WNT5B: variants seen among roughly 807,000 people sequenced by gnomAD.
The protein encoded by WNT5B is Wnt family member 5B, also known as protein Wnt-5b.
WNT5B carries 18 observed loss-of-function variants against 36.5 expected under a neutral mutation model. That is an observed-to-expected ratio of 0.49 (90% CI 0.34 to 0.73). The LOEUF is 0.73. Among genes scored for constraint, WNT5B ranks in the 30% least tolerant of loss-of-function variants. The pLI is 0.01. For synonymous variants in WNT5B, 213 were observed against 212.3 expected (o/e 1.00, Z -0.03); for missense variants, 424 against 508.4 (o/e 0.83, Z 1.60).
At chr12:1,634,197 G>C (rs2094556279) in intron 3 of WNT5B, among the ~76,000 whole-genome samples, 1 of 152,190 alleles carries the variant, frequency 6.6e-6, no homozygotes, top group Non-Finnish European at 1.5e-5. Context: ...CAAAAGAGTA[G>C]ACTTGGGGTT....
intron 3 of WNT5B, among the ~76,000 whole-genome samples, chr12:1,638,437 A>G (rs895979198): frequency 6.6e-6 from 1 of 152,152 alleles, no homozygotes. Flanking sequence ...TGCACCGCTT[A>G]ACCATTCCCA....
upstream of WNT5B, among the ~76,000 whole-genome samples, chr12:1,626,766 C>T (rs577971337): frequency 3.4e-4 from 52 of 151,488 alleles, no homozygotes; most frequent in South Asian, 2.5e-3. Context: ...GGGGTTTCAC[C>T]GTGTTAGCCA....
chr12:1,640,224 C>T (rs1222071396), intron 4 of WNT5B, among the ~76,000 whole-genome samples: 2 of 152,152 alleles, frequency 1.3e-5, no homozygotes, highest in African/African-American at 4.8e-5. Flanking sequence ...TATTATTTCA[C>T]GGTTCCTAGA....
intron 1 of WNT5B, among the ~76,000 whole-genome samples, chr12:1,622,879 G>A (rs2094535763): frequency 6.6e-6 from 1 of 152,228 alleles, no homozygotes; most frequent in South Asian, 2.1e-4. Flanking sequence ...GAATGATGCT[G>A]CTGGGGGCCT....
At position 1,645,926 on chromosome 12, in the gene WNT5B, G is replaced by A. The variant is rs763442249; in HGVS notation, c.754G>A (p.Ala252Thr). The change falls in exon 5 of 5, where the codon GCG becomes ACG. Residue 252 changes from alanine to threonine, a missense_variant. Ala to Thr is a moderately conservative substitution (Grantham distance 58, BLOSUM62 0). Coordinates refer to ENST00000397196, the MANE Select transcript of WNT5B (RefSeq NM_032642.3). Reference sequence around the variant, plus strand: ...CCGGCTGAAGGAGAAGTACGACAGCGCGGCCGCCATGCGCGTCACCCGCAA... The same window carrying A: ...CCGGCTGAAGGAGAAGTACGACAGCACGGCCGCCATGCGCGTCACCCGCAA... ...GDRLKEKYDS[A>T]AAMRVTRKGR... The A allele has an allele frequency of 2.5e-6, 4 of 1,610,244 alleles. No homozygotes were observed. The highest frequency in any genetic ancestry group is 1.1e-5 in the South Asian group (1 of 91,050).
At chr12:1,623,074 C>G (rs1165702240) in intron 1 of WNT5B, among the ~76,000 whole-genome samples, 1 of 151,686 alleles carries the variant, frequency 6.6e-6, no homozygotes. Flanking sequence ...GCATGAAATC[C>G]TAAAGAGGAT....
intron 3 of WNT5B, among the ~76,000 whole-genome samples, chr12:1,636,681 C>T (rs1472678525): frequency 1.3e-5 from 2 of 151,422 alleles, no homozygotes; most frequent in African/African-American, 4.9e-5. Flanking sequence ...GCTGGGACTA[C>T]AGGCACATGC....
rs1159207496 is a variant in WNT5B at position 1,646,354 on chromosome 12, G to T, written c.*102G>T. 16 of 1,005,128 alleles carry T rather than the reference G, an allele frequency of 1.6e-5. No individual in the cohort carries two copies. The highest frequency in any genetic ancestry group is 1.5e-4 in the African/African-American group (9 of 60,526). 62.3% of individuals were successfully genotyped at this position (1,005,128 alleles called of 1,614,324 possible). A position where few individuals can be genotyped will look rare whatever the true frequency, so the allele number is the denominator to read the frequency against. ...TTTATATTTGTATAAGTAAATGGGT[G>T]GGTGCTATACAATGGAAAGATGAAA... On this transcript the variant is annotated 3_prime_UTR_variant, in exon 5 of 5. Transcript: ENST00000397196.
upstream of WNT5B, among the ~76,000 whole-genome samples, chr12:1,625,643 C>T (rs1337732625): frequency 1.3e-5 from 2 of 152,172 alleles, no homozygotes; most frequent in East Asian, 3.8e-4. Context: ...AACAAAATTG[C>T]AAATGTACTT....
At chr12:1,623,933 C>T (rs752433401) in intron 1 of WNT5B, among the ~76,000 whole-genome samples, 3 of 152,148 alleles carry the variant, frequency 2.0e-5, no homozygotes, top group South Asian at 4.1e-4. Context: ...TAGTTCTTTC[C>T]GCCCACAAGG....
In WNT5B at chr12:1,632,775, G is replaced by A. The variant is rs201535865; in HGVS notation, c.198G>A (p.Gln66=). Residue 66 remains glutamine, a synonymous_variant, in exon 3 of 5, where the codon CAG becomes CAA. Coordinates refer to ENST00000397196, the MANE Select transcript of WNT5B (RefSeq NM_032642.3). This position sits in a 1 kb window ranked among gnomAD's most constrained non-coding sequence, Gnocchi z 5.8. The part of the protein sequence containing the change: ...PGQRKLCQLY[Q]EHMAYIGEGA... ...AGAGGAAGCTGTGCCAATTGTACCA[G>A]GAGCACATGGCCTACATAGGGGAGG... 2 of 1,614,202 alleles carry A rather than the reference G, an allele frequency of 1.2e-6. No individual in the cohort carries two copies. The highest frequency in any genetic ancestry group is 1.7e-5 in the Admixed American group (1 of 60,024).
At chr12:1,621,260 G>A (rs1161751986) in intron 1 of WNT5B, among the ~76,000 whole-genome samples, 1 of 152,052 alleles carries the variant, frequency 6.6e-6, no homozygotes, top group Admixed American at 6.6e-5. Context: ...AGGATACCAA[G>A]ATTTCAGGCC....
At chr12:1,628,093 T>G (rs76365491), upstream of WNT5B, among the ~76,000 whole-genome samples, 3,409 of 151,954 alleles carry the variant, frequency 0.022, 54 homozygotes, top group Middle Eastern at 0.048. Flanking sequence ...TGATTGGGAA[T>G]TTTGCATCTT....
intron 1 of WNT5B, among the ~76,000 whole-genome samples, chr12:1,619,847 A>G (rs192056737): frequency 1.3e-5 from 2 of 152,234 alleles, no homozygotes; most frequent in African/African-American, 4.8e-5. Flanking sequence ...CCTGCCCTCA[A>G]ATAGTCATCC....
upstream of WNT5B, among the ~76,000 whole-genome samples, chr12:1,625,339 T>C (rs185335154): frequency 3.9e-5 from 6 of 152,290 alleles, no homozygotes; most frequent in African/African-American, 1.2e-4. Flanking sequence ...CACCTGGAAA[T>C]TGGGAAGGAA....
intron 3 of WNT5B, among the ~76,000 whole-genome samples, chr12:1,636,123 T>A (rs2094560156): frequency 6.6e-6 from 1 of 152,162 alleles, no homozygotes; most frequent in Non-Finnish European, 1.5e-5. Context: ...CTCCCTTCTC[T>A]CCATATCTAA....
chr12:1,631,475 G>A, intron 2 of WNT5B, 41 bp downstream of exon 2: 9 of 1,613,194 alleles, frequency 5.6e-6, no homozygotes, highest in Non-Finnish European at 7.6e-6. Flanking sequence ...ACAGCCGGAG[G>A]CCTCCTTCAG....
At chr12:1,638,247 AAAAC>A (rs968495528) in intron 3 of WNT5B, among the ~76,000 whole-genome samples, 96 of 152,352 alleles carry the variant, frequency 6.3e-4, no homozygotes, top group African/African-American at 1.8e-3. Flanking sequence ...CTCTCTCTCA[AAAAC>A]AAACAAACAA....
In WNT5B at chr12:1,645,858, A is replaced by G. The variant is rs1195737340; in HGVS notation, c.686A>G (p.Lys229Arg). ...CHGVSGSCSL[K>R]TCWLQLAEFR... ...GGCGTCTCGGGGTCCTGCAGCCTCA[A>G]GACCTGCTGGCTGCAGCTGGCCGAG... Residue 229 changes from lysine to arginine, a missense_variant, in exon 5 of 5, where the codon AAG becomes AGG. Coordinates refer to ENST00000397196, the MANE Select transcript of WNT5B (RefSeq NM_032642.3). 1 of 1,611,168 alleles carries G rather than the reference A, an allele frequency of 6.2e-7. No homozygotes were observed. The highest frequency in any genetic ancestry group is 8.5e-7 in the Non-Finnish European group (1 of 1,178,884).
Sources: allele counts gnomAD v4.1 joint callset (sites outside exome capture counted in the v4.1 genomes callset), GRCh38; gene constraint gnomAD v4.1.1; non-coding constraint Gnocchi (gnomAD v3.1); transcripts MANE v1.5; gene names NCBI Gene and HGNC (gene_info 2026-07-23, HGNC 2026-07-21).